RAD54L: variants seen among roughly 807,000 people sequenced by gnomAD.
RAD54L encodes the protein DNA repair and recombination protein RAD54-like.
A neutral mutation model predicts 91.6 loss-of-function variants in RAD54L; 74 were observed. That is an observed-to-expected ratio of 0.81 (90% confidence interval 0.67 to 0.98). The LOEUF is 0.98. RAD54L is among the 50% of genes least tolerant of loss of function. RAD54L has a pLI of 0.00. For synonymous variants in RAD54L, 304 were observed against 349.7 expected (o/e 0.87, Z 1.46); for missense variants, 887 against 945.7 (o/e 0.94, Z 0.81).
rs1183468113 is a variant in RAD54L at position 46,277,955 on chromosome 1, G to A, written c.2008G>A (p.Ala670Thr). The change falls in exon 17 of 18, where the codon GCT becomes ACT. Residue 670 changes from alanine to threonine, a missense_variant. Ala to Thr is a moderately conservative substitution (Grantham distance 58). Transcript: ENST00000371975. ...ELKELFILDE[A>T]SLSDTHDRLH... The stretch of plus-strand genomic sequence containing the variant: ...GAAGGAGCTGTTTATCCTGGATGAA[G>A]CTAGCCTCAGTGACACACATGACAG... 2 of 1,614,032 alleles carry A rather than the reference G, an allele frequency of 1.2e-6. No homozygotes were observed. Among genetic ancestry groups the A allele is most frequent in the East Asian group, 2.2e-5 (1 of 44,900 alleles).
chr1:46,268,996 T>C (rs1447799282), intron 9 of RAD54L, among the ~76,000 whole-genome samples: 1 of 151,912 alleles, frequency 6.6e-6, no homozygotes, highest in Non-Finnish European at 1.5e-5. Context: ...AATTCCTGGG[T>C]TCAAATGATT....
In RAD54L at chr1:46,260,543, G is replaced by A; in HGVS notation, c.409G>A (p.Glu137Lys). The change falls in exon 6 of 18, where the codon GAG becomes AAG. Residue 137 changes from glutamate (E) to lysine (K), a missense_variant and splice_region_variant. Physicochemically the swap from Glu to Lys is moderately conservative, Grantham distance 56. Transcript: ENST00000371975. ...SAHDQLKLDK[E>K]KLPVHVVVDP... ...GTTTTCTTTGCTGTGTTTTCTCAGG[G>A]AGAAACTCCCTGTCCATGTGGTTGT... The A allele has an allele frequency of 1.9e-6, 3 of 1,613,946 alleles. No individual in the cohort carries two copies. Among genetic ancestry groups the A allele is most frequent in the Non-Finnish European group, 1.7e-6 (2 of 1,179,910 alleles).
At position 46,248,245 on chromosome 1, in the gene RAD54L, G is replaced by A; in HGVS notation, c.-161G>A. The A allele has an allele frequency of 3.2e-6, 3 of 928,442 alleles. No individual in the cohort carries two copies. The highest frequency in any genetic ancestry group is 4.0e-5 in the Admixed American group (2 of 50,058). The allele number at this position is 928,442 out of a possible 1,614,324, so 57.5% of individuals were successfully genotyped here. A position where few individuals can be genotyped will look rare whatever the true frequency, so the allele number is the denominator to read the frequency against. ...GTTTGGTTCCAAACACCAGTTCCTG[G>A]ATGGATTCCCGCCATCCATGCCCCC... On this transcript the variant is annotated 5_prime_UTR_variant, in exon 1 of 18. Coordinates refer to ENST00000371975, the MANE Select transcript of RAD54L (RefSeq NM_003579.4).
At chr1:46,261,534 A>G in intron 8 of RAD54L, 149 bp downstream of exon 8, 3 of 964,376 alleles carry the variant, frequency 3.1e-6, no homozygotes, top group Non-Finnish European at 3.2e-6. Flanking sequence ...AGCCTGTGAT[A>G]CCAAAATACA....
At chr1:46,273,799 T>C in intron 14 of RAD54L, 52 bp downstream of exon 14, 5 of 1,559,356 alleles carry the variant, frequency 3.2e-6, no homozygotes, top group Non-Finnish European at 4.3e-6. Context: ...CCTCCCCTAC[T>C]GTCTGTCTAG....
At chr1:46,264,190 A>G (rs1660206034) in intron 8 of RAD54L, among the ~76,000 whole-genome samples, 1 of 152,134 alleles carries the variant, frequency 6.6e-6, no homozygotes, top group Admixed American at 6.5e-5. Context: ...GCCTCTTATC[A>G]CACTGCAGCC....
At chr1:46,278,037 T>C (rs1180425764) in intron 17 of RAD54L, 35 bp from the exon 18 acceptor site, 1 of 1,614,008 alleles carries the variant, frequency 6.2e-7, no homozygotes, top group Non-Finnish European at 8.5e-7. Flanking sequence ...GGAGATGGGA[T>C]CTGTAGTGAC....
intron 3 of RAD54L, among the ~76,000 whole-genome samples, chr1:46,253,720 CTTT>C (rs3063981): frequency 7.2e-5 from 6 of 83,618 alleles, no homozygotes; most frequent in Admixed American, 1.8e-4. Context: ...CTTAGGTACT[CTTT>C]TTTTTTTTTT....
At chr1:46,276,519 A>G (rs1447425302) in intron 16 of RAD54L, among the ~76,000 whole-genome samples, 3 of 152,112 alleles carry the variant, frequency 2.0e-5, no homozygotes, top group Non-Finnish European at 4.4e-5. Flanking sequence ...AACTGGGAAT[A>G]ATCTTACTGG....
intron 3 of RAD54L, among the ~76,000 whole-genome samples, chr1:46,254,581 G>A (rs951157082): frequency 6.8e-6 from 1 of 147,674 alleles, no homozygotes; most frequent in Admixed American, 6.7e-5. Flanking sequence ...GGGGAGCACT[G>A]ACTTTTTTTT....
rs1660492661 is a variant in RAD54L, at chr1:46,273,408, G to T, written c.1429G>T (p.Ala477Ser). 6.2e-7 allele frequency: 1 copy of T among 1,613,990 alleles called. No homozygotes were observed. The highest frequency in any genetic ancestry group is 8.5e-7 in the Non-Finnish European group (1 of 1,179,960). The change falls in exon 13 of 18, where the codon GCC (alanine) becomes TCC (serine). Residue 477 changes from alanine (A) to serine (S), a missense_variant. Transcript: ENST00000371975. Reference sequence around the variant, plus strand: ...GGAAGAGGAGGATGGCTTTGTGGGTGCCTTGGACCTCTTCCCTCCTGGTTA... The same window carrying T: ...GGAAGAGGAGGATGGCTTTGTGGGTTCCTTGGACCTCTTCCCTCCTGGTTA... ...CVEEEDGFVG[A>S]LDLFPPGYSS...
chr1:46,273,624 G>A lies in RAD54L; in HGVS notation c.1487G>A (p.Gly496Asp). 6.2e-7 allele frequency: 1 copy of A among 1,613,452 alleles called. No homozygotes were observed. The highest frequency in any genetic ancestry group is 8.5e-7 in the Non-Finnish European group (1 of 1,180,004). The change falls in exon 14 of 18, where the codon GGT becomes GAT. Residue 496 changes from glycine (G) to aspartate (D), a missense_variant and splice_region_variant. Physicochemically the swap from Gly to Asp is moderately conservative, Grantham distance 94 (BLOSUM62 -1). Transcript: ENST00000371975. ...SSKALEPQLS[G>D]KMLVLDYILA... ...GACTGCTGGTTGCTGCTCTTCCCAG[G>A]TAAGATGCTGGTCCTGGATTATATT... is the stretch of plus-strand genomic sequence containing the variant.
Position 46,248,035 on chromosome 1 carries a change from C to T in RAD54L, c.-371C>T. On this transcript the variant is annotated 5_prime_UTR_variant, in exon 1 of 18. Transcript: ENST00000371975. ...TGGCCAGTGATTACCCACCCCCAAT[C>T]CCACCCCGCCCCGCCGCGCAACTAC... is the stretch of plus-strand genomic sequence containing the variant. 7.2e-5 allele frequency: 14 copies of T among 194,146 alleles called. No individual in the cohort carries two copies. The highest frequency in any genetic ancestry group is 1.8e-4 in the South Asian group (3 of 16,232). 12.0% of individuals were successfully genotyped at this position (194,146 alleles called of 1,614,324 possible).
chr1:46,273,280 G>A (rs1402002809), intron 12 of RAD54L, 75 bp from the exon 13 acceptor site: 1 of 1,231,838 alleles, frequency 8.1e-7, no homozygotes, highest in East Asian at 2.3e-5. Context: ...TAGGCTTCTA[G>A]AGGGAGTTCT....
rs1274535695 is a variant in RAD54L at position 46,250,011 on chromosome 1, A to G, written c.102A>G (p.Lys34=). 1 of 1,614,108 alleles carries G rather than the reference A, an allele frequency of 6.2e-7. No individual in the cohort carries two copies. Among genetic ancestry groups the G allele is most frequent in the Non-Finnish European group, 8.5e-7 (1 of 1,179,952 alleles). ...ATTCTCTCTCCTAGACTCCTAGGAA[A>G]CGGAAATCCAGCAGTGAGACCCAGA... ...DWQPGLVTPR[K]RKSSSETQIQ... Residue 34 remains lysine, a synonymous_variant, in exon 3 of 18, where the codon AAA becomes AAG. Coordinates refer to ENST00000371975, the MANE Select transcript of RAD54L (RefSeq NM_003579.4).
intron 3 of RAD54L, among the ~76,000 whole-genome samples, chr1:46,257,163 AC>A (rs1358797724): frequency 1.1e-3 from 170 of 149,706 alleles, no homozygotes; most frequent in African/African-American, 3.7e-3. Flanking sequence ...AAAAAAAAAA[AC>A]CCCAAAAAAC....
intron 8 of RAD54L, among the ~76,000 whole-genome samples, chr1:46,262,074 G>T (rs978613977): frequency 6.6e-6 from 1 of 151,574 alleles, no homozygotes; most frequent in African/African-American, 2.4e-5. Context: ...CTGAGATTGC[G>T]CCACTGCACT....
At chr1:46,269,526 T>G (rs1660362523) in intron 9 of RAD54L, among the ~76,000 whole-genome samples, 1 of 151,988 alleles carries the variant, frequency 6.6e-6, no homozygotes, top group Admixed American at 6.6e-5. Flanking sequence ...CAGGCTGGTC[T>G]TGAACTCTTG....
chr1:46,265,143 T>A lies in RAD54L; in HGVS notation c.892-2316T>A, dbSNP rs1395683163. ...TCTTCAGTTCAGAAGTCTAAGGCTTTTTTTAGGGCTAGTACTTGGAGCCTC... is the reference window on the plus strand; with the variant it reads ...TCTTCAGTTCAGAAGTCTAAGGCTTATTTTAGGGCTAGTACTTGGAGCCTC... On this transcript the variant is annotated intron_variant, in intron 8 of 17. Transcript: ENST00000371975. The surrounding 1 kb of genome is among the most constrained non-coding windows in gnomAD (Gnocchi z 4.8). 6.6e-6 allele frequency among the ~76,000 whole-genome samples: 1 copy of A among 152,090 alleles called. No homozygotes were observed. Among genetic ancestry groups the A allele is most frequent in the Admixed American group, 6.6e-5 (1 of 15,246 alleles).
Sources: allele counts gnomAD v4.1 joint callset (sites outside exome capture counted in the v4.1 genomes callset), GRCh38; gene constraint gnomAD v4.1.1; non-coding constraint Gnocchi (gnomAD v3.1); transcripts MANE v1.5; gene names NCBI Gene and HGNC (gene_info 2026-07-23, HGNC 2026-07-21).